The following BAIAP3 variants were observed in gnomAD, a reference collection of about 807,000 sequenced individuals.
BAIAP3 encodes the protein BAI1-associated protein 3.
A neutral mutation model predicts 149.7 loss-of-function variants in BAIAP3; 180 were observed. The ratio of observed to expected loss-of-function variants is 1.20; its 90% CI spans 1.07 to 1.36. BAIAP3 has a LOEUF of 1.36. Ranked by LOEUF, BAIAP3 falls within the 40% of genes most tolerant of loss-of-function variation. BAIAP3 has a pLI of 0.00. For missense variants in BAIAP3, 1,767 were observed against 1,563.4 expected (o/e 1.13, Z -2.20); for synonymous variants, 845 against 670.7 (o/e 1.26, Z -4.02).
rs1388399918 is a variant in BAIAP3, at chr16:1,346,188, A to ATT, written c.2320_2321insTT (p.Asn774IlefsTer14). ...CCTCCAGCTCTGCGTGGTCCTCAACAATGTGGAGCTCGTGCGCAAGGCTGC... is the reference window on the plus strand; with the variant it reads ...CCTCCAGCTCTGCGTGGTCCTCAACATTATGTGGAGCTCGTGCGCAAGGCTGC... On this transcript the variant is annotated frameshift_variant, in exon 25 of 34. Transcript: ENST00000426824. LOFTEE classifies it high-confidence loss of function. 1 of 1,611,668 alleles carries ATT rather than the reference A, an allele frequency of 6.2e-7. No homozygotes were observed. The highest frequency in any genetic ancestry group is 8.5e-7 in the Non-Finnish European group (1 of 1,179,820).
At position 1,339,082 on chromosome 16, in the gene BAIAP3, C is replaced by T. The variant is rs771380573; in HGVS notation, c.220-82C>T. The T allele has an allele frequency of 5.6e-5, 89 of 1,595,364 alleles. No individual in the cohort carries two copies. In the African/African-American group the frequency reaches 1.1e-3, roughly 19 times the overall value. On this transcript the variant is annotated intron_variant, in intron 3 of 33. Transcript: ENST00000426824. ...CTCCCTCCTGCCCTCGCTCCCACCTCCTGGGGCACCACCTGTCTTCCCTGC... is the reference window on the plus strand; with the variant it reads ...CTCCCTCCTGCCCTCGCTCCCACCTTCTGGGGCACCACCTGTCTTCCCTGC...
chr16:1,334,602 G>A (rs2033340147), intron 1 of BAIAP3: 4 of 1,494,290 alleles, frequency 2.7e-6, no homozygotes, highest in Middle Eastern at 2.1e-4. Context: ...CTGAGGCTTC[G>A]GGGAGCCCAA....
rs1204053242 is a variant in BAIAP3, at chr16:1,341,189, C to A, written c.529C>A (p.Pro177Thr). The A allele has an allele frequency of 6.2e-7, 1 of 1,612,600 alleles. No homozygotes were observed. Among genetic ancestry groups the A allele is most frequent in the Admixed American group, 1.7e-5 (1 of 59,986 alleles). The stretch of plus-strand genomic sequence containing the variant: ...TGCCAAGAACCTTCTGGCCAAGGAC[C>A]CCAACGGTGAGTGGGGACCCAGCAG... ...MRAKNLLAKD[P>T]NGFSDPYCML... The change falls in exon 7 of 34, where the codon CCC (proline) becomes ACC (threonine). Residue 177 changes from proline to threonine, a missense_variant. By Grantham distance (38) the Pro-to-Thr change is conservative (BLOSUM62 -1). Transcript: ENST00000426824.
Position 1,348,365 on chromosome 16 carries a change from C to G in BAIAP3, c.3356-14C>G, listed in dbSNP as rs182021482. 6.2e-7 allele frequency: 1 copy of G among 1,611,170 alleles called. No homozygotes were observed. On this transcript the variant is annotated splice_polypyrimidine_tract_variant and intron_variant, in intron 33 of 33. Transcript: ENST00000426824. The stretch of plus-strand genomic sequence containing the variant: ...TGACCCCGGCCCCCACACACCTGCC[C>G]GCGCTGCTTGCAGTGAGATCTGCGC...
chr16:1,343,878 A>G lies in BAIAP3; in HGVS notation c.1387-144A>G, dbSNP rs1596578253. 9.1e-6 allele frequency: 12 copies of G among 1,314,478 alleles called. No individual in the cohort carries two copies. In the South Asian group the frequency reaches 1.1e-4, roughly 12 times the overall value. The allele number at this position is 1,314,478 out of a possible 1,614,324, so 81.4% of individuals were successfully genotyped here. Reference sequence around the variant, plus strand: ...GGGACAGGCCGTCTGGGACAGGCCGACTGGGCCTGTGGAGGGTGCTGCTCA... The same window carrying G: ...GGGACAGGCCGTCTGGGACAGGCCGGCTGGGCCTGTGGAGGGTGCTGCTCA... On this transcript the variant is annotated intron_variant, in intron 15 of 33. Transcript: ENST00000426824.
rs919735454 is a variant in BAIAP3 at position 1,341,616 on chromosome 16, A to C, written c.731+127A>C. The C allele has an allele frequency of 6.0e-6, 8 of 1,327,944 alleles. No homozygotes were observed. In the African/African-American group the frequency reaches 1.2e-4, roughly 20 times the overall value. 82.3% of individuals were successfully genotyped at this position (1,327,944 alleles called of 1,614,324 possible). A position where few individuals can be genotyped will look rare whatever the true frequency, so the allele number is the denominator to read the frequency against. On this transcript the variant is annotated intron_variant, in intron 8 of 33. Transcript: ENST00000426824. ...TTGGGGCCGTGTGCCCACTTTCCAG[A>C]GGAGAAAACTGAGGCCCAGAGATGG...
rs748539293 is a variant in BAIAP3 at position 1,341,853 on chromosome 16, C to CA, written c.764dup (p.His255GlnfsTer8). ...TGAGGATGTGAGCACGGACCAGCTG[C>CA]ACCTGGACATCTGGTACAGGCCCCT... On this transcript the variant is annotated frameshift_variant, in exon 9 of 34. Coordinates refer to ENST00000426824, the MANE Select transcript of BAIAP3 (RefSeq NM_001199097.2). LOFTEE classifies it high-confidence loss of function. The CA allele has an allele frequency of 6.8e-5, 110 of 1,612,296 alleles. No homozygotes were observed. Among genetic ancestry groups the CA allele is most frequent in the Non-Finnish European group, 1.3e-5 (15 of 1,179,806 alleles).
At chr16:1,340,835 T>G in intron 5 of BAIAP3, 87 bp from the exon 6 acceptor site, 1 of 1,413,140 alleles carries the variant, frequency 7.1e-7, no homozygotes, top group Middle Eastern at 1.8e-4. Context: ...TGGGTGTCTG[T>G]GACGGGCTGA....
In BAIAP3 at chr16:1,343,386, C is replaced by T; in HGVS notation, c.1266-7C>T. 6.3e-7 allele frequency: 1 copy of T among 1,579,970 alleles called. No homozygotes were observed. Among genetic ancestry groups the T allele is most frequent in the Non-Finnish European group, 8.6e-7 (1 of 1,163,992 alleles). ...CATACCCTTTGACCATGGGCCGGGC[C>T]CCACAGGCACTGGCAGGTCAGCAGC... On this transcript the variant is annotated splice_region_variant and splice_polypyrimidine_tract_variant and intron_variant, in intron 14 of 33. Coordinates refer to ENST00000426824, the MANE Select transcript of BAIAP3 (RefSeq NM_001199097.2).
Position 1,342,699 on chromosome 16 carries a change from G to A in BAIAP3, c.1066-20G>A. ...TGGGGCGGGGGCAGAGCTGGTGACT[G>A]GGTGGGCTCTGCGTTGCAGAGGGAT... On this transcript the variant is annotated intron_variant, in intron 12 of 33. Transcript: ENST00000426824. 2.5e-6 allele frequency: 4 copies of A among 1,612,114 alleles called. No homozygotes were observed. Among genetic ancestry groups the A allele is most frequent in the Non-Finnish European group, 3.4e-6 (4 of 1,179,878 alleles).
intron 11 of BAIAP3, 58 bp from the exon 12 acceptor site, chr16:1,342,469 T>C (rs2033992486): frequency 6.8e-6 from 10 of 1,479,822 alleles, no homozygotes; most frequent in Non-Finnish European, 8.3e-6. Flanking sequence ...TCTCACAGAG[T>C]CAGTGTGGAA....
intron 1 of BAIAP3, chr16:1,334,663 T>C: frequency 6.4e-7 from 1 of 1,550,872 alleles, no homozygotes; most frequent in Non-Finnish European, 8.7e-7. Flanking sequence ...TCGACTGGAA[T>C]GAGACCCCGG....
chr16:1,337,603 C>G (rs943754017), intron 1 of BAIAP3, among the ~76,000 whole-genome samples: 2 of 152,166 alleles, frequency 1.3e-5, no homozygotes, highest in Admixed American at 1.3e-4. Context: ...AGGGGGCTTC[C>G]GGGTCTGCCT....
At chr16:1,343,155 C>T (rs1349873499) in intron 14 of BAIAP3, 139 bp downstream of exon 14, 3 of 1,106,438 alleles carry the variant, frequency 2.7e-6, no homozygotes, top group Admixed American at 2.2e-5. Flanking sequence ...GGTGGGGCTG[C>T]GCTGATTGGG....
In BAIAP3 at chr16:1,345,986, G is replaced by A. The variant is rs769862769; in HGVS notation, c.2209G>A (p.Asp737Asn). Residue 737 changes from aspartate (D) to asparagine (N), a missense_variant and splice_region_variant, in exon 24 of 34, where the codon GAC becomes AAC. Asp to Asn is a conservative substitution (Grantham distance 23, BLOSUM62 1). Transcript: ENST00000426824. ...AQGLGTQLGQDVCEATLFYTE... is the reference protein window; with the variant it reads ...AQGLGTQLGQNVCEATLFYTE... Reference sequence around the variant, plus strand: ...CTCCCCACCGCCATCCCCTCCTCAGGACGTGTGTGAGGCCACCCTCTTCTA... The same window carrying A: ...CTCCCCACCGCCATCCCCTCCTCAGAACGTGTGTGAGGCCACCCTCTTCTA... 1.6e-5 allele frequency: 26 copies of A among 1,606,164 alleles called. No homozygotes were observed. Among genetic ancestry groups the A allele is most frequent in the Non-Finnish European group, 2.2e-5 (26 of 1,176,498 alleles).
At chr16:1,346,725 G>T in intron 27 of BAIAP3, 41 bp downstream of exon 27, 1 of 1,519,290 alleles carries the variant, frequency 6.6e-7, no homozygotes, top group Non-Finnish European at 8.9e-7. Context: ...CTGGCCCGTG[G>T]TCACTGAGGC....
Position 1,346,608 on chromosome 16 carries a change from G to T in BAIAP3, c.2566G>T (p.Val856Leu). The T allele has an allele frequency of 6.4e-7, 1 of 1,554,372 alleles. No individual in the cohort carries two copies. Among genetic ancestry groups the T allele is most frequent in the Non-Finnish European group, 8.7e-7 (1 of 1,150,134 alleles). Reference sequence around the variant, plus strand: ...GCCTGACCACCCCTGCCCGCAGGCCGTGGCCCCGCTCATGAAGTACCTGGA... The same window carrying T: ...GCCTGACCACCCCTGCCCGCAGGCCTTGGCCCCGCTCATGAAGTACCTGGA... ...SPDSIQNDEAVAPLMKYLDEK... is the reference protein window; with the variant it reads ...SPDSIQNDEALAPLMKYLDEK... Residue 856 changes from valine (V) to leucine (L), a missense_variant, in exon 27 of 34, where the codon GTG (valine) becomes TTG (leucine). By Grantham distance (32) the Val-to-Leu change is conservative. Transcript: ENST00000426824.
In BAIAP3 at chr16:1,348,784, T is replaced by G; in HGVS notation, c.*302T>G. On this transcript the variant is annotated 3_prime_UTR_variant, in exon 34 of 34. Coordinates refer to ENST00000426824, the MANE Select transcript of BAIAP3 (RefSeq NM_001199097.2). ...CCACCTGGTGGGCCTCCCTGCCCGC[T>G]TCCTTGGGCTCCCCGGCCCTGGGTG... 6.2e-6 allele frequency: 3 copies of G among 485,852 alleles called. No homozygotes were observed. Among genetic ancestry groups the G allele is most frequent in the Non-Finnish European group, 7.4e-6 (2 of 268,634 alleles). 30.1% of individuals were successfully genotyped at this position (485,852 alleles called of 1,614,324 possible). A position where few individuals can be genotyped will look rare whatever the true frequency, so the allele number is the denominator to read the frequency against.
At position 1,346,955 on chromosome 16, in the gene BAIAP3, G is replaced by T. The variant is rs371037911; in HGVS notation, c.2751G>T (p.Glu917Asp). 6.2e-7 allele frequency: 1 copy of T among 1,605,712 alleles called. No individual in the cohort carries two copies. The highest frequency in any genetic ancestry group is 8.5e-7 in the Non-Finnish European group (1 of 1,176,980). The change falls in exon 28 of 34, where the codon GAG (glutamate) becomes GAT (aspartate). Residue 917 changes from glutamate (E) to aspartate (D), a missense_variant and splice_region_variant. Coordinates refer to ENST00000426824, the MANE Select transcript of BAIAP3 (RefSeq NM_001199097.2). ...ACAGCCGCTTCCATTTCACGCTGGA[G>T]GTAGAGCTCTGTGAAGGAGTCCTCC... is the stretch of plus-strand genomic sequence containing the variant. The part of the protein sequence containing the change: ...DFYSRFHFTL[E>D]ALVSFFHAEG...
Sources: gnomAD v4.1 joint callset for allele counts (sites outside exome capture counted in the v4.1 genomes callset) on GRCh38, gnomAD v4.1.1 for gene constraint, MANE v1.5 for transcripts, NCBI Gene and HGNC (gene_info 2026-07-23, HGNC 2026-07-21) for gene names.